The following CPEB4 variants were observed in gnomAD, a reference collection of about 807,000 sequenced individuals.
CPEB4 encodes cytoplasmic polyadenylation element binding protein 4.
A neutral mutation model predicts 72.5 loss-of-function variants in CPEB4; 12 were observed. The ratio of observed to expected loss-of-function variants is 0.17; its 90% CI spans 0.11 to 0.27. The LOEUF is 0.27. Ranked by LOEUF, CPEB4 falls within the 10% of genes least tolerant of loss-of-function variation. The pLI, the probability that CPEB4 is intolerant of heterozygous loss-of-function variation, is 1.00. For missense variants in CPEB4, 614 were observed against 908.5 expected, an observed-to-expected ratio of 0.68 and a Z score of 4.17; for synonymous variants, 302 against 326.3, an observed-to-expected ratio of 0.93 and a Z score of 0.80.
intron 2 of CPEB4, among the ~76,000 whole-genome samples, chr5:173,914,695 G>A (rs1363688333): frequency 2.0e-5 from 3 of 152,162 alleles, no homozygotes; most frequent in Non-Finnish European, 2.9e-5. Context: ...GGCGGAGGTT[G>A]CAATGAGCCG....
At chr5:173,937,816 A>G (rs754739567) in intron 3 of CPEB4, among the ~76,000 whole-genome samples, 1 of 152,200 alleles carries the variant, frequency 6.6e-6, no homozygotes, top group Non-Finnish European at 1.5e-5. Flanking sequence ...GCTCTTTTCT[A>G]AGGTAGGCCT....
At chr5:173,924,033 A>G (rs911997011) in intron 2 of CPEB4, among the ~76,000 whole-genome samples, 1 of 152,146 alleles carries the variant, frequency 6.6e-6, no homozygotes, top group Non-Finnish European at 1.5e-5. Context: ...TAGATCTTGC[A>G]GCTTCGCACC....
In CPEB4 at chr5:173,890,776, A is replaced by G; in HGVS notation, c.1043A>G (p.Tyr348Cys). 1 of 1,614,210 alleles carries G rather than the reference A, an allele frequency of 6.2e-7. No homozygotes were observed. Among genetic ancestry groups the G allele is most frequent in the Non-Finnish European group, 8.5e-7 (1 of 1,180,038 alleles). Residue 348 changes from tyrosine to cysteine, a missense_variant, in exon 1 of 10, where the codon TAT (tyrosine) becomes TGT (cysteine). Physicochemically the swap from Tyr to Cys is radical, Grantham distance 194. Coordinates refer to ENST00000265085, the MANE Select transcript of CPEB4 (RefSeq NM_030627.4). ...AGCAATCATATTCAGCTCCAGAAGT[A>G]TGCTCGCCCCAGCTCTGCCTTTGCA... ...FASNHIQLQK[Y>C]ARPSSAFAPK...
chr5:173,893,812 G>A (rs7705502), intron 1 of CPEB4, among the ~76,000 whole-genome samples: 33,784 of 152,046 alleles, frequency 0.22, 4,967 homozygotes, highest in Non-Finnish European at 0.31. Flanking sequence ...TCAGGTTTGG[G>A]TACATATAAT....
In CPEB4 at chr5:173,889,553, C is replaced by T; in HGVS notation, c.-181C>T. 1 of 475,718 alleles carries T rather than the reference C, an allele frequency of 2.1e-6. No individual in the cohort carries two copies. The highest frequency in any genetic ancestry group is 3.7e-6 in the Non-Finnish European group (1 of 269,092). The allele number at this position is 475,718 out of a possible 1,614,324, so 29.5% of individuals were successfully genotyped here. A position where few individuals can be genotyped will look rare whatever the true frequency, so the allele number is the denominator to read the frequency against. On this transcript the variant is annotated 5_prime_UTR_variant, in exon 1 of 10. Transcript: ENST00000265085. ...TTTTTTTAAGAGTTGTTTTTTCTTT[C>T]AGAGACCAGAATTCCAAATCAGAAC...
At chr5:173,910,699 G>A (rs1756625652) in intron 2 of CPEB4, 95 bp downstream of exon 2, 2 of 809,688 alleles carry the variant, frequency 2.5e-6, no homozygotes, top group African/African-American at 1.7e-5. Context: ...ATATTATGGA[G>A]TCACTTTGTA....
intron 3 of CPEB4, among the ~76,000 whole-genome samples, chr5:173,932,812 G>A (rs1324263242): frequency 6.6e-6 from 1 of 152,090 alleles, no homozygotes; most frequent in East Asian, 1.9e-4. Context: ...CAACATAAAA[G>A]CCATTTCCAC....
chr5:173,929,225 A>G (rs1757352517), intron 2 of CPEB4, among the ~76,000 whole-genome samples: 1 of 152,152 alleles, frequency 6.6e-6, no homozygotes, highest in Admixed American at 6.5e-5. Flanking sequence ...TCTTCAGGAG[A>G]TATGGGAAGA....
intron 3 of CPEB4, among the ~76,000 whole-genome samples, chr5:173,940,507 G>A (rs1251562586): frequency 6.6e-6 from 1 of 152,200 alleles, no homozygotes; most frequent in Non-Finnish European, 1.5e-5. Flanking sequence ...TGAAATAAGT[G>A]AGGAAAAGTG....
Position 173,959,315 on chromosome 5 carries a change from T to C in CPEB4, c.*3178T>C, listed in dbSNP as rs1758475846. ...AAAGGAACCCTCTCCTTTCCCCTTC[T>C]GGTCCCTGCGCTTTGGTATAATATA... On this transcript the variant is annotated 3_prime_UTR_variant, in exon 10 of 10. Coordinates refer to ENST00000265085, the MANE Select transcript of CPEB4 (RefSeq NM_030627.4). 6.5e-6 allele frequency: 1 copy of C among 152,812 alleles called. No individual in the cohort carries two copies. The highest frequency in any genetic ancestry group is 1.5e-5 in the Non-Finnish European group (1 of 68,036). 9.5% of individuals were successfully genotyped at this position (152,812 alleles called of 1,614,324 possible).
intron 2 of CPEB4, among the ~76,000 whole-genome samples, chr5:173,919,188 A>C (rs958194739): frequency 1.3e-5 from 2 of 152,314 alleles, no homozygotes; most frequent in Admixed American, 1.3e-4. Flanking sequence ...GAAAACAAGC[A>C]ACAATCAGGT....
chr5:173,942,373 G>T (rs1757877300), intron 3 of CPEB4, among the ~76,000 whole-genome samples: 1 of 152,240 alleles, frequency 6.6e-6, no homozygotes, highest in Non-Finnish European at 1.5e-5. Flanking sequence ...GTCATTTCCT[G>T]AGTATTCCAG....
chr5:173,895,466 G>C (rs949135356), intron 1 of CPEB4, among the ~76,000 whole-genome samples: 3 of 152,202 alleles, frequency 2.0e-5, no homozygotes, highest in African/African-American at 7.2e-5. Flanking sequence ...GTTTGATAGG[G>C]AAACAAGTGT....
At position 173,955,499 on chromosome 5, in the gene CPEB4, G is replaced by A. The variant is rs1380329510; in HGVS notation, c.1963-411G>A. ...AACTTGAATATTGAAGTGCAGTTGT[G>A]TGGAACTTGGATCATCTTAGTTGAT... On this transcript the variant is annotated intron_variant, in intron 9 of 9. Coordinates refer to ENST00000265085, the MANE Select transcript of CPEB4 (RefSeq NM_030627.4). The surrounding 1 kb of genome is among the most constrained non-coding windows in gnomAD (Gnocchi z 4.7). Among the ~76,000 whole-genome samples, 3 of 152,176 alleles carry A rather than the reference G, an allele frequency of 2.0e-5. No individual in the cohort carries two copies. Among genetic ancestry groups the A allele is most frequent in the Non-Finnish European group, 2.9e-5 (2 of 68,036 alleles).
rs1438838772 is a variant in CPEB4, at chr5:173,959,811, CTG to C, written c.*3676_*3677del. 2.6e-5 allele frequency: 4 copies of C among 152,132 alleles called. No individual in the cohort carries two copies. Among genetic ancestry groups the C allele is most frequent in the African/African-American group, 9.7e-5 (4 of 41,392 alleles). The allele number at this position is 152,132 out of a possible 1,614,324, so 9.4% of individuals were successfully genotyped here. A position where few individuals can be genotyped will look rare whatever the true frequency, so the allele number is the denominator to read the frequency against. The stretch of plus-strand genomic sequence containing the variant: ...AGAATCGGGACAATATTGTATTCAA[CTG>C]TTTTATTTTTTATATTTTTAAAATT... On this transcript the variant is annotated 3_prime_UTR_variant, in exon 10 of 10. Transcript: ENST00000265085.
intron 1 of CPEB4, among the ~76,000 whole-genome samples, chr5:173,899,610 C>T (rs2113140924): frequency 6.6e-6 from 1 of 152,258 alleles, no homozygotes; most frequent in South Asian, 2.1e-4. Flanking sequence ...CGTTTTCCTC[C>T]CTTCATCTTA....
chr5:173,903,086 T>A (rs1183411286), intron 1 of CPEB4, among the ~76,000 whole-genome samples: 2 of 151,960 alleles, frequency 1.3e-5, no homozygotes, highest in Non-Finnish European at 2.9e-5. Flanking sequence ...AGCTATATGC[T>A]TAAGATATGG....
At chr5:173,919,397 A>G (rs1480950924) in intron 2 of CPEB4, among the ~76,000 whole-genome samples, 1 of 152,190 alleles carries the variant, frequency 6.6e-6, no homozygotes, top group African/African-American at 2.4e-5. Context: ...GGACCTTCCT[A>G]CTGTAAAAAA....
In CPEB4 at chr5:173,959,300, T is replaced by C. The variant is rs1758475326; in HGVS notation, c.*3163T>C. ...GATTATTTTCTATGTAAAGGAACCC[T>C]CTCCTTTCCCCTTCTGGTCCCTGCG... is the stretch of plus-strand genomic sequence containing the variant. On this transcript the variant is annotated 3_prime_UTR_variant, in exon 10 of 10. Transcript: ENST00000265085. 1 of 152,778 alleles carries C rather than the reference T, an allele frequency of 6.5e-6. No homozygotes were observed. The highest frequency in any genetic ancestry group is 1.5e-5 in the Non-Finnish European group (1 of 68,030). The allele number at this position is 152,778 out of a possible 1,614,324, so 9.5% of individuals were successfully genotyped here.
Sources: allele counts gnomAD v4.1 joint callset (sites outside exome capture counted in the v4.1 genomes callset), GRCh38; gene constraint gnomAD v4.1.1; non-coding constraint Gnocchi (gnomAD v3.1); transcripts MANE v1.5; gene names NCBI Gene and HGNC (gene_info 2026-07-23, HGNC 2026-07-21).